Variants in VPS13A observed in about 807,000 individuals in gnomAD.
VPS13A encodes the protein vacuolar protein sorting 13 homolog A.
In VPS13A, 264 loss-of-function variants were observed where a neutral mutation model predicts 390.9. That is an observed-to-expected ratio of 0.68 (90% CI 0.61 to 0.75). The LOEUF is 0.75. VPS13A is among the 30% of genes least tolerant of loss of function. The pLI is 0.00. For synonymous variants in VPS13A, 1,231 were observed against 1,227.1 expected (o/e 1.00, Z -0.07); for missense variants, 3,409 against 3,733.9 (o/e 0.91, Z 2.27).
intron 9 of VPS13A, among the ~76,000 whole-genome samples, 180 bp from the exon 10 acceptor site, chr9:77,214,149 G>A (rs1002630449): frequency 1.8e-4 from 27 of 152,058 alleles, no homozygotes; most frequent in Non-Finnish European, 3.1e-4. Context: ...GGTGGGGCAC[G>A]TCTGTAATCC....
chr9:77,337,022 C>T (rs554246038), intron 46 of VPS13A, among the ~76,000 whole-genome samples: 1 of 152,010 alleles, frequency 6.6e-6, no homozygotes, highest in South Asian at 2.1e-4. Flanking sequence ...TGGTCTCAAT[C>T]TCCTGACCTC....
rs1235873151 is a variant in VPS13A, at chr9:77,314,635, A to G, written c.4383A>G (p.Lys1461=). The G allele has an allele frequency of 1.2e-6, 2 of 1,612,650 alleles. No homozygotes were observed. The highest frequency in any genetic ancestry group is 8.5e-7 in the Non-Finnish European group (1 of 1,179,144). The change falls in exon 37 of 72, where the codon AAA becomes AAG. Residue 1461 remains lysine (K), a synonymous_variant. Transcript: ENST00000360280. ...FSLKNCILDD[K]RPHVKKATPR... is the part of the protein sequence containing the mutation. ...TAAAAAACTGTATTTTAGATGATAAAAGACCTCATGTCAAGAAAGCAACTC... is the reference window on the plus strand; with the variant it reads ...TAAAAAACTGTATTTTAGATGATAAGAGACCTCATGTCAAGAAAGCAACTC...
intron 50 of VPS13A, 87 bp from the exon 51 acceptor site, chr9:77,344,066 G>T: frequency 1.6e-6 from 2 of 1,263,524 alleles, no homozygotes; most frequent in African/African-American, 1.5e-5. Flanking sequence ...TATAGTTTAA[G>T]TCTATTCTGA....
chr9:77,313,719 T>TCA (rs1829224411), intron 35 of VPS13A, among the ~76,000 whole-genome samples: 1 of 152,188 alleles, frequency 6.6e-6, no homozygotes, highest in African/African-American at 2.4e-5. Context: ...AGTGATTAGT[T>TCA]CTATTTTTCC....
In VPS13A at chr9:77,340,536, C is replaced by G. The variant is rs756645123; in HGVS notation, c.7012C>G (p.Leu2338Val). Residue 2338 changes from leucine to valine, a missense_variant, in exon 50 of 72, where the codon CTT becomes GTT. This residue lies in a region of VPS13A where 2,717 missense variants were observed against 2,917.4 expected (regional missense o/e 0.93). Coordinates refer to ENST00000360280, the MANE Select transcript of VPS13A (RefSeq NM_033305.3). ...AGAAGGAAATGATAAATGGCTCTCT[C>G]TTGATTTGGAGCAGGTGGGTAGATG... ...AEEGNDKWLS[L>V]DLEQCIPFWP... The G allele has an allele frequency of 1.2e-6, 2 of 1,612,556 alleles. No individual in the cohort carries two copies. The highest frequency in any genetic ancestry group is 2.2e-5 in the South Asian group (2 of 91,026).
At chr9:77,228,301 A>G (rs772956751) in intron 17 of VPS13A, 37 bp downstream of exon 17, 2 of 1,537,686 alleles carry the variant, frequency 1.3e-6, no homozygotes, top group South Asian at 1.2e-5. Flanking sequence ...CATATATGAA[A>G]AAACTTCACT....
At position 77,370,268 on chromosome 9, in the gene VPS13A, G is replaced by A. The variant is rs771626801; in HGVS notation, c.8679G>A (p.Gln2893=). ...ATTTGGCCCTTTAGGGAGCCATCCAGGGTCCTGAAGAGTTTGTGGAAGGAA... is the reference window on the plus strand; with the variant it reads ...ATTTGGCCCTTTAGGGAGCCATCCAAGGTCCTGAAGAGTTTGTGGAAGGAA... ...FFYEPYQGAI[Q]GPEEFVEGMA... is the part of the protein sequence containing the mutation. The change falls in exon 64 of 72, where the codon CAG becomes CAA. Residue 2893 remains glutamine (Q), a synonymous_variant. Coordinates refer to ENST00000360280, the MANE Select transcript of VPS13A (RefSeq NM_033305.3). 6.2e-7 allele frequency: 1 copy of A among 1,614,150 alleles called. No individual in the cohort carries two copies. The highest frequency in any genetic ancestry group is 1.1e-5 in the South Asian group (1 of 91,076).
intron 58 of VPS13A, 73 bp downstream of exon 58, chr9:77,359,475 TAA>T: frequency 7.7e-7 from 1 of 1,293,350 alleles, no homozygotes; most frequent in Non-Finnish European, 1.1e-6. Context: ...TTGTACTCTT[TAA>T]ATGTTGGACA....
intron 17 of VPS13A, among the ~76,000 whole-genome samples, chr9:77,230,023 T>A (rs1406467139): frequency 6.6e-6 from 1 of 152,168 alleles, no homozygotes; most frequent in Non-Finnish European, 1.5e-5. Flanking sequence ...TGGCTAAGGA[T>A]TTTGAGCTTT....
chr9:77,247,795 G>A (rs1455493532), intron 20 of VPS13A, among the ~76,000 whole-genome samples: 3 of 152,068 alleles, frequency 2.0e-5, no homozygotes, highest in Admixed American at 6.6e-5. Context: ...TGAGTATCTG[G>A]GATTACATGT....
rs1404337454 is a variant in VPS13A, at chr9:77,416,784, A to T, written c.*778A>T. ...AAGTCATGTTTTTAATAGACTGCTA[A>T]TATCAAAGGAGAATTTTTAAAGCCT... On this transcript the variant is annotated 3_prime_UTR_variant, in exon 72 of 72. Coordinates refer to ENST00000360280, the MANE Select transcript of VPS13A (RefSeq NM_033305.3). 3 of 152,568 alleles carry T rather than the reference A, an allele frequency of 2.0e-5. No individual in the cohort carries two copies. Among genetic ancestry groups the T allele is most frequent in the African/African-American group, 7.2e-5 (3 of 41,392 alleles). 9.5% of individuals were successfully genotyped at this position (152,568 alleles called of 1,614,324 possible). A position where few individuals can be genotyped will look rare whatever the true frequency, so the allele number is the denominator to read the frequency against.
intron 1 of VPS13A, among the ~76,000 whole-genome samples, chr9:77,197,959 A>G (rs1476372652): frequency 1.3e-5 from 2 of 152,202 alleles, no homozygotes; most frequent in Admixed American, 1.3e-4. Flanking sequence ...ACAGTAAGAC[A>G]TATGAGGTAC....
At chr9:77,314,804 C>G (rs1402458364) in intron 37 of VPS13A, 140 bp downstream of exon 37, 5 of 766,790 alleles carry the variant, frequency 6.5e-6, no homozygotes, top group Non-Finnish European at 1.1e-5. Context: ...GCTCGTAGTA[C>G]TCGGTTAACA....
intron 11 of VPS13A, 93 bp downstream of exon 11, chr9:77,220,174 A>G (rs1823112048): frequency 6.6e-7 from 1 of 1,511,886 alleles, no homozygotes; most frequent in Non-Finnish European, 9.1e-7. Flanking sequence ...TCATGATGTT[A>G]TATGGTAGCA....
At chr9:77,258,720 C>G (rs918450275) in intron 22 of VPS13A, among the ~76,000 whole-genome samples, 19 of 151,984 alleles carry the variant, frequency 1.3e-4, no homozygotes, top group African/African-American at 4.6e-4. Context: ...CTTGTTTACT[C>G]TTTTCTACTG....
chr9:77,336,162 A>G (rs781169678), intron 46 of VPS13A, among the ~76,000 whole-genome samples: 4 of 152,038 alleles, frequency 2.6e-5, no homozygotes, highest in Non-Finnish European at 5.9e-5. Flanking sequence ...AGGAGAACAC[A>G]TGGACACAGG....
chr9:77,369,080 G>A (rs918495687), intron 62 of VPS13A, among the ~76,000 whole-genome samples: 7 of 152,100 alleles, frequency 4.6e-5, no homozygotes, highest in Admixed American at 6.6e-5. Context: ...GCAGTGAGCC[G>A]AGATGGCGCC....
intron 6 of VPS13A, among the ~76,000 whole-genome samples, chr9:77,210,134 C>A: frequency 6.9e-6 from 1 of 144,340 alleles, no homozygotes; most frequent in Admixed American, 7.0e-5. Context: ...AAAAGTTATC[C>A]CTCCCTCCCT....
chr9:77,366,902 A>G (rs1300940189), intron 61 of VPS13A, 30 bp downstream of exon 61: 1 of 1,605,258 alleles, frequency 6.2e-7, no homozygotes, highest in Non-Finnish European at 8.5e-7. Flanking sequence ...CTGTAAATTG[A>G]TGGAAATATT....
Sources: allele counts gnomAD v4.1 joint callset (sites outside exome capture counted in the v4.1 genomes callset), GRCh38; gene constraint gnomAD v4.1.1; regional missense constraint gnomAD v4.1.1; transcripts MANE v1.5; gene names NCBI Gene and HGNC (gene_info 2026-07-23, HGNC 2026-07-21).